NCAM1: variants seen among roughly 807,000 people sequenced by gnomAD.
NCAM1 encodes the protein neural cell adhesion molecule 1.
Under a neutral mutation model 109.8 loss-of-function variants are expected in NCAM1, and 14 were observed. The observed-to-expected ratio is 0.13, with a 90% CI of 0.08 to 0.20. NCAM1 has a LOEUF of 0.20. NCAM1 is among the 10% of genes least tolerant of loss of function. The pLI is 1.00. For missense variants in NCAM1, 774 were observed against 1,109.9 expected (o/e 0.70, Z 4.30); for synonymous variants, 418 against 442.9 (o/e 0.94, Z 0.70).
intron 7 of NCAM1, among the ~76,000 whole-genome samples, chr11:113,208,962 C>T (rs1244222291): frequency 2.0e-5 from 3 of 152,250 alleles, no homozygotes; most frequent in Non-Finnish European, 4.4e-5. Context: ...CCCCACATCC[C>T]TGCTCACTTC....
rs185737357 is a variant in NCAM1, at chr11:113,251,494, C to T, written c.1829-4383C>T. 2.2e-4 allele frequency among the ~76,000 whole-genome samples: 33 copies of T among 152,288 alleles called. No individual in the cohort carries two copies. In the East Asian group the frequency reaches 3.3e-3, roughly 15 times the overall value. ...CTGACTATATGTGGCCTCTATGGTACGTTCTTTCTTTCTTGGGTTCATGAT... is the reference window on the plus strand; with the variant it reads ...CTGACTATATGTGGCCTCTATGGTATGTTCTTTCTTTCTTGGGTTCATGAT... On this transcript the variant is annotated intron_variant, in intron 15 of 19. Transcript: ENST00000316851.
At chr11:112,975,810 G>T (rs150026780) in intron 1 of NCAM1, among the ~76,000 whole-genome samples, 1 of 151,822 alleles carries the variant, frequency 6.6e-6, no homozygotes, top group African/African-American at 2.4e-5. Flanking sequence ...CAGTTCATTC[G>T]CCTGCCTTCC....
chr11:113,131,235 A>G (rs1941369727), intron 1 of NCAM1, among the ~76,000 whole-genome samples: 1 of 152,194 alleles, frequency 6.6e-6, no homozygotes, highest in Non-Finnish European at 1.5e-5. Context: ...GCTGTGGAAG[A>G]GGCAAACTAG....
chr11:113,272,004 C>T lies in NCAM1; in HGVS notation c.2456+128C>T, dbSNP rs1466124231. On this transcript the variant is annotated intron_variant, in intron 19 of 19. Coordinates refer to ENST00000316851, the MANE Select transcript of NCAM1 (RefSeq NM_181351.5). ...AAACAGTTCAGGCCAGGATTCCAAACCCTTGGCCACAAGACCTGCTTGGCT... is the reference window on the plus strand; with the variant it reads ...AAACAGTTCAGGCCAGGATTCCAAATCCTTGGCCACAAGACCTGCTTGGCT... 4.8e-6 allele frequency: 3 copies of T among 620,456 alleles called. No homozygotes were observed. The African/African-American group carries it at 5.9e-5, about 12-fold the overall frequency. The allele number at this position is 620,456 out of a possible 1,614,324, so 38.4% of individuals were successfully genotyped here. A position where few individuals can be genotyped will look rare whatever the true frequency, so the allele number is the denominator to read the frequency against.
chr11:113,028,098 A>G (rs1244005476), intron 1 of NCAM1, among the ~76,000 whole-genome samples: 1 of 152,136 alleles, frequency 6.6e-6, no homozygotes, highest in African/African-American at 2.4e-5. Context: ...TAGGAAGAAT[A>G]GTTTTGGGTT....
chr11:113,095,386 G>A (rs1375474903), intron 1 of NCAM1, among the ~76,000 whole-genome samples: 1 of 152,144 alleles, frequency 6.6e-6, no homozygotes, highest in Non-Finnish European at 1.5e-5. Context: ...AGTTTACCCA[G>A]CTTTCAGCAC....
intron 14 of NCAM1, among the ~76,000 whole-genome samples, chr11:113,243,146 C>A (rs988842562): frequency 6.6e-6 from 1 of 152,236 alleles, no homozygotes; most frequent in Non-Finnish European, 1.5e-5. Context: ...CCTGAGGACA[C>A]AAAAGAACAG....
chr11:113,097,605 CTTT>C (rs36089828), intron 1 of NCAM1, among the ~76,000 whole-genome samples: 13,661 of 142,102 alleles, frequency 0.096, 892 homozygotes, highest in Admixed American at 0.2. Context: ...GTGACTTGGG[CTTT>C]TTTTTTTTTT....
At chr11:113,167,023 C>T (rs782538237) in intron 1 of NCAM1, among the ~76,000 whole-genome samples, 1 of 152,108 alleles carries the variant, frequency 6.6e-6, no homozygotes, top group Non-Finnish European at 1.5e-5. Context: ...TGAATTTTCC[C>T]TTGCATTTAA....
At chr11:113,270,007 T>C (rs1481296518) in intron 17 of NCAM1, 181 bp from the exon 18 acceptor site, 2 of 629,450 alleles carry the variant, frequency 3.2e-6, no homozygotes, top group East Asian at 5.4e-5. Context: ...CTGGAAGGTA[T>C]AGAAAGACCC....
chr11:113,233,465 G>T lies in NCAM1; in HGVS notation c.1693+148G>T, dbSNP rs1945069728. 2 of 849,158 alleles carry T rather than the reference G, an allele frequency of 2.4e-6. No homozygotes were observed. Among genetic ancestry groups the T allele is most frequent in the South Asian group, 1.8e-5 (1 of 56,954 alleles). The allele number at this position is 849,158 out of a possible 1,614,324, so 52.6% of individuals were successfully genotyped here. On this transcript the variant is annotated intron_variant, in intron 13 of 19. Transcript: ENST00000316851. This position sits in a 1 kb window ranked among gnomAD's most constrained non-coding sequence, Gnocchi z 4.5. ...AGTCATATCTGCCTGTAGAGTTGTT[G>T]CCCCTATTGCCACCCCAACCCATGC...
In NCAM1 at chr11:113,204,499, T is replaced by C; in HGVS notation, c.341T>C (p.Ile114Thr). The C allele has an allele frequency of 6.2e-7, 1 of 1,613,870 alleles. No individual in the cohort carries two copies. The highest frequency in any genetic ancestry group is 8.5e-7 in the Non-Finnish European group (1 of 1,179,808). ...TCAGAGGCCACCGTCAACGTGAAGA[T>C]CTTTCGTAAGAGCCTCCTTCTTCTT... ...SESEATVNVK[I>T]FQKLMFKNAP... Residue 114 changes from isoleucine (I) to threonine (T), a missense_variant, in exon 3 of 20, where the codon ATC (isoleucine) becomes ACC (threonine). Physicochemically the swap from Ile to Thr is moderately conservative, Grantham distance 89. This residue lies in a region of NCAM1 where 112 missense variants were observed against 142.0 expected (regional missense o/e 0.79). Transcript: ENST00000316851.
At chr11:112,985,550 A>G (rs566485334) in intron 1 of NCAM1, among the ~76,000 whole-genome samples, 11 of 152,026 alleles carry the variant, frequency 7.2e-5, no homozygotes, top group Non-Finnish European at 1.6e-4. Context: ...AACATGGGAC[A>G]TCTTTCCATT....
intron 1 of NCAM1, among the ~76,000 whole-genome samples, chr11:113,115,092 C>A (rs574778972): frequency 1.3e-5 from 2 of 152,168 alleles, no homozygotes; most frequent in Non-Finnish European, 2.9e-5. Context: ...TCAGCACCCC[C>A]CAGCTGGTAG....
At chr11:113,243,571 C>T (rs1369344942) in intron 14 of NCAM1, 2 of 518,728 alleles carry the variant, frequency 3.9e-6, no homozygotes, top group African/African-American at 3.8e-5. Flanking sequence ...CACAGAATCA[C>T]TGCTGTAACA....
chr11:113,142,160 T>A (rs1941853496), intron 1 of NCAM1, among the ~76,000 whole-genome samples: 1 of 152,150 alleles, frequency 6.6e-6, no homozygotes, highest in Non-Finnish European at 1.5e-5. Context: ...TTTACAAATG[T>A]TATTTCATTT....
At chr11:113,171,678 A>C (rs1466581479) in intron 1 of NCAM1, among the ~76,000 whole-genome samples, 1 of 150,894 alleles carries the variant, frequency 6.6e-6, no homozygotes, top group Non-Finnish European at 1.5e-5. Flanking sequence ...TAAAGAGAAG[A>C]GATAACTTAT....
At chr11:113,202,041 G>A (rs1297417934) in intron 1 of NCAM1, among the ~76,000 whole-genome samples, 1 of 152,206 alleles carries the variant, frequency 6.6e-6, no homozygotes, top group African/African-American at 2.4e-5. Context: ...TTTGGAGCAG[G>A]ATCATAAGTC....
chr11:113,214,487 C>T lies in NCAM1; in HGVS notation c.1035C>T (p.Thr345=), dbSNP rs928280803. ...PIPSITWRTS[T]RNISSEEKAS... ...CCTCCATCACCTGGAGGACTTCTAC[C>T]CGGAACATCAGCAGCGAAGAAAAGG... Residue 345 remains threonine, a synonymous_variant, in exon 8 of 20, where the codon ACC becomes ACT. Coordinates refer to ENST00000316851, the MANE Select transcript of NCAM1 (RefSeq NM_181351.5). 4 of 1,611,044 alleles carry T rather than the reference C, an allele frequency of 2.5e-6. No homozygotes were observed. Among genetic ancestry groups the T allele is most frequent in the Non-Finnish European group, 3.4e-6 (4 of 1,178,544 alleles).
Sources: gnomAD v4.1 joint callset for allele counts (sites outside exome capture counted in the v4.1 genomes callset) on GRCh38, gnomAD v4.1.1 for gene constraint, gnomAD v4.1.1 regional missense constraint, Gnocchi (gnomAD v3.1) non-coding constraint, MANE v1.5 for transcripts, NCBI Gene and HGNC (gene_info 2026-07-23, HGNC 2026-07-21) for gene names.